The following RBFOX1 variants were observed in gnomAD, a reference collection of about 807,000 sequenced individuals.
RBFOX1 encodes RNA binding protein fox-1 homolog 1.
RBFOX1 carries 8 observed loss-of-function variants against 57.7 expected under a neutral mutation model. The observed-to-expected ratio is 0.14, with a 90% CI of 0.08 to 0.25. The LOEUF (loss-of-function observed/expected upper bound fraction) is 0.25, where lower values mean the gene tolerates loss of function less well. Ranked by LOEUF, RBFOX1 falls within the 10% of genes least tolerant of loss-of-function variation. The pLI is 1.00. For missense variants in RBFOX1, 611 were observed against 548.5 expected, an observed-to-expected ratio of 1.11 and a Z score of -1.14; for synonymous variants, 326 against 222.4, an observed-to-expected ratio of 1.47 and a Z score of -4.15.
intron 1 of RBFOX1, among the ~76,000 whole-genome samples, chr16:6,118,417 A>G (rs536107389): frequency 5.3e-5 from 8 of 152,104 alleles, no homozygotes; most frequent in Non-Finnish European, 1.0e-4. Flanking sequence ...AGCAGATTCA[A>G]TGTTTGGTGA....
chr16:6,879,340 C>A (rs903113546), intron 3 of RBFOX1, among the ~76,000 whole-genome samples: 2 of 152,200 alleles, frequency 1.3e-5, no homozygotes, highest in South Asian at 4.1e-4. Flanking sequence ...TTCAGACACT[C>A]TGTCTCCTAT....
chr16:7,018,857 G>A (rs1013848024), intron 3 of RBFOX1, among the ~76,000 whole-genome samples: 16 of 151,976 alleles, frequency 1.1e-4, no homozygotes, highest in African/African-American at 3.1e-4. Flanking sequence ...AGTGGCTGAC[G>A]ACTGTAATCT....
At chr16:5,451,449 A>C (rs2068423550) in intron 1 of RBFOX1, among the ~76,000 whole-genome samples, 1 of 152,218 alleles carries the variant, frequency 6.6e-6, no homozygotes, top group Non-Finnish European at 1.5e-5. Context: ...TTGAAAACTA[A>C]TTAGTACCCC....
At chr16:7,691,774 C>T (rs536003222) in intron 14 of RBFOX1, among the ~76,000 whole-genome samples, 1 of 152,242 alleles carries the variant, frequency 6.6e-6, no homozygotes, top group African/African-American at 2.4e-5. Flanking sequence ...GCAATCTGTT[C>T]TAGGATTAGG....
At chr16:5,490,113 A>C (rs182193107) in intron 2 of RBFOX1, among the ~76,000 whole-genome samples, 3 of 152,290 alleles carry the variant, frequency 2.0e-5, no homozygotes, top group Non-Finnish European at 4.4e-5. Flanking sequence ...TGATGAATCT[A>C]GGGAAATGGA....
At chr16:5,583,496 T>G (rs1209080954) in intron 2 of RBFOX1, among the ~76,000 whole-genome samples, 2 of 152,206 alleles carry the variant, frequency 1.3e-5, no homozygotes, top group Non-Finnish European at 2.9e-5. Flanking sequence ...TTTACTTTTT[T>G]TTGTCTGTAA....
chr16:6,872,293 G>A (rs1300228004), intron 3 of RBFOX1, among the ~76,000 whole-genome samples: 3 of 152,116 alleles, frequency 2.0e-5, no homozygotes, highest in Non-Finnish European at 4.4e-5. Context: ...ACTTGGGGTA[G>A]TTTGCTTCTC....
chr16:6,794,086 C>G (rs1483185015), intron 3 of RBFOX1, among the ~76,000 whole-genome samples: 1 of 152,040 alleles, frequency 6.6e-6, no homozygotes, highest in Non-Finnish European at 1.5e-5. Flanking sequence ...TCTGAAATGA[C>G]TGAACTATAA....
intron 3 of RBFOX1, among the ~76,000 whole-genome samples, chr16:6,852,021 G>A (rs562653071): frequency 6.6e-6 from 1 of 151,552 alleles, no homozygotes; most frequent in East Asian, 1.9e-4. Context: ...CATCTCCCGG[G>A]TTCATGCCAT....
chr16:6,562,756 CT>C (rs1439404074), intron 2 of RBFOX1, among the ~76,000 whole-genome samples: 1 of 151,734 alleles, frequency 6.6e-6, no homozygotes, highest in African/African-American at 2.4e-5. Context: ...GCACAAGTTG[CT>C]TTTTTTCTTT....
At chr16:6,555,182 C>A (rs1170710340) in intron 2 of RBFOX1, among the ~76,000 whole-genome samples, 1 of 152,138 alleles carries the variant, frequency 6.6e-6, no homozygotes, top group Non-Finnish European at 1.5e-5. Context: ...CTTTTAAAAT[C>A]AGGAGTCCTA....
intron 3 of RBFOX1, among the ~76,000 whole-genome samples, chr16:6,963,603 A>C (rs1163548856): frequency 6.6e-6 from 1 of 152,190 alleles, no homozygotes; most frequent in Non-Finnish European, 1.5e-5. Context: ...CTAGAAAAGC[A>C]AAACTGTGGG....
At chr16:6,945,252 C>A (rs927595956) in intron 3 of RBFOX1, among the ~76,000 whole-genome samples, 2 of 152,104 alleles carry the variant, frequency 1.3e-5, no homozygotes, top group Non-Finnish European at 2.9e-5. Context: ...TGTCCTTGGG[C>A]AAGTCATGTG....
At chr16:6,432,160 G>A (rs984853297) in intron 2 of RBFOX1, among the ~76,000 whole-genome samples, 4 of 151,796 alleles carry the variant, frequency 2.6e-5, no homozygotes, top group African/African-American at 7.3e-5. Flanking sequence ...GTAAAGATGG[G>A]GGTCTGACTA....
At chr16:5,740,165 A>C (rs1158596284) in intron 3 of RBFOX1, among the ~76,000 whole-genome samples, 1 of 152,166 alleles carries the variant, frequency 6.6e-6, no homozygotes, top group African/African-American at 2.4e-5. Context: ...CACGGGGAGG[A>C]GGCTGACTGT....
chr16:7,698,470 A>T lies in RBFOX1; in HGVS notation c.996-10586A>T, dbSNP rs2079538754. On this transcript the variant is annotated intron_variant, in intron 14 of 15. Transcript: ENST00000550418. Reference sequence around the variant, plus strand: ...CTACCCAAGTTACCAATTAGAAGCAAGTTCAGGGGTACAAGGAGGTGTCAC... The same window carrying T: ...CTACCCAAGTTACCAATTAGAAGCATGTTCAGGGGTACAAGGAGGTGTCAC... Among the ~76,000 whole-genome samples, 3 of 152,068 alleles carry T rather than the reference A, an allele frequency of 2.0e-5. No individual in the cohort carries two copies. In the South Asian group the frequency reaches 6.2e-4, roughly 32 times the overall value.
rs1167370107 is a variant in RBFOX1, at chr16:5,856,219, ATATATATATG to A, written c.319-11072_319-11063del. On this transcript the variant is annotated intron_variant, in intron 3 of 19. Coordinates refer to the RBFOX1 transcript ENST00000641259. ...TATATATATATATACATATATATGT[ATATATATATG>A]TATATATATGTGTATATATATGTAT... is the stretch of plus-strand genomic sequence containing the variant. Among the ~76,000 whole-genome samples the A allele has an allele frequency of 7.8e-4, 27 of 34,482 alleles. 1 individual carries two copies. Among genetic ancestry groups the A allele is most frequent in the East Asian group, 7.6e-3 (14 of 1,836 alleles). The allele number at this position is 34,482 out of a possible 152,430, so 22.6% of individuals were successfully genotyped here.
intron 4 of RBFOX1, among the ~76,000 whole-genome samples, chr16:7,188,401 A>C (rs2084450667): frequency 6.6e-6 from 1 of 152,202 alleles, no homozygotes; most frequent in Non-Finnish European, 1.5e-5. Context: ...CTAGAGTTAA[A>C]ATTTGCATTG....
At chr16:5,788,391 G>A (rs952569184) in intron 3 of RBFOX1, among the ~76,000 whole-genome samples, 3 of 152,198 alleles carry the variant, frequency 2.0e-5, no homozygotes, top group African/African-American at 7.2e-5. Flanking sequence ...CACATCGGGA[G>A]GTCGAGCTGG....
Sources: allele counts gnomAD v4.1 joint callset (sites outside exome capture counted in the v4.1 genomes callset), GRCh38; gene constraint gnomAD v4.1.1; transcripts MANE v1.5; gene names NCBI Gene and HGNC (gene_info 2026-07-23, HGNC 2026-07-21).